Variants in PDZK1 observed in about 807,000 individuals in gnomAD.
PDZK1 encodes the protein PDZ domain containing 1, also known as Na(+)/H(+) exchange regulatory cofactor NHE-RF3.
Under a neutral mutation model 38.1 loss-of-function variants are expected in PDZK1, and 23 were observed. The observed-to-expected ratio is 0.60, with a 90% CI of 0.43 to 0.85. The LOEUF (loss-of-function observed/expected upper bound fraction) is 0.85. PDZK1 is among the 40% of genes least tolerant of loss of function. The pLI, the probability that PDZK1 is intolerant of heterozygous loss-of-function variation, is 0.00. For synonymous variants in PDZK1, 98 were observed against 186.2 expected (o/e 0.53, Z 3.86); for missense variants, 297 against 504.3 (o/e 0.59, Z 3.94).
At chr1:145,687,749 T>C in intron 2 of PDZK1, 63 bp downstream of exon 2, 1 of 1,392,512 alleles carries the variant, frequency 7.2e-7, no homozygotes, top group Non-Finnish European at 1.0e-6. Flanking sequence ...AAAATTATAA[T>C]CAGCAGAGAA....
intron 1 of PDZK1, among the ~76,000 whole-genome samples, chr1:145,706,402 TG>T (rs1656250625): frequency 6.6e-6 from 1 of 152,204 alleles, no homozygotes; most frequent in South Asian, 2.1e-4. Context: ...TTCAGATGAC[TG>T]GACAATCATG....
intron 1 of PDZK1, among the ~76,000 whole-genome samples, chr1:145,705,735 C>T (rs1553705626): frequency 1.3e-5 from 2 of 152,052 alleles, no homozygotes; most frequent in African/African-American, 4.8e-5. Context: ...CATCTTACAT[C>T]GTGTTTTTAA....
At chr1:145,683,117 G>A (rs1221525770) in intron 3 of PDZK1, among the ~76,000 whole-genome samples, 4 of 152,160 alleles carry the variant, frequency 2.6e-5, no homozygotes, top group Non-Finnish European at 2.9e-5. Flanking sequence ...AGAAAAACTC[G>A]AAATCCAATG....
At chr1:145,700,435 A>G (rs1190238851) in intron 1 of PDZK1, among the ~76,000 whole-genome samples, 1 of 152,212 alleles carries the variant, frequency 6.6e-6, no homozygotes, top group Non-Finnish European at 1.5e-5. Context: ...TAGGGACCCA[A>G]GGAACAGACA....
chr1:145,686,161 G>C (rs587649844), intron 3 of PDZK1, among the ~76,000 whole-genome samples: 1 of 152,064 alleles, frequency 6.6e-6, no homozygotes, highest in Non-Finnish European at 1.5e-5. Context: ...AAGAGGGCTA[G>C]AAGCATCAAC....
intron 1 of PDZK1, among the ~76,000 whole-genome samples, chr1:145,704,248 G>A (rs1192536008): frequency 6.6e-6 from 1 of 152,144 alleles, no homozygotes; most frequent in Non-Finnish European, 1.5e-5. Context: ...TTAGTTTCAT[G>A]TCCCCATTGG....
intron 1 of PDZK1, among the ~76,000 whole-genome samples, chr1:145,696,126 C>T (rs1001650724): frequency 1.3e-5 from 2 of 152,166 alleles, no homozygotes; most frequent in Non-Finnish European, 2.9e-5. Context: ...GTGGCAAATG[C>T]ACAGTTAAGT....
intron 1 of PDZK1, 106 bp from the exon 2 acceptor site, chr1:145,688,129 C>T: frequency 3.1e-6 from 3 of 967,396 alleles, no homozygotes; most frequent in Non-Finnish European, 4.9e-6. Context: ...ATCACCAAAT[C>T]TAGACTGCTT....
At chr1:145,686,419 G>C in intron 3 of PDZK1, 58 bp downstream of exon 3, 1 of 1,522,632 alleles carries the variant, frequency 6.6e-7, no homozygotes. Context: ...TCTTTGTTCT[G>C]GAAGCCTGTT....
intron 6 of PDZK1, among the ~76,000 whole-genome samples, chr1:145,675,873 C>T (rs1306913982): frequency 1.3e-5 from 2 of 151,804 alleles, no homozygotes; most frequent in Non-Finnish European, 2.9e-5. Flanking sequence ...TAAAAATTAG[C>T]CAGGTGTGGT....
intron 8 of PDZK1, among the ~76,000 whole-genome samples, chr1:145,672,317 T>C (rs1653154020): frequency 6.6e-6 from 1 of 151,462 alleles, no homozygotes. Flanking sequence ...TTAGTTAACA[T>C]GATCCTGATA....
intron 1 of PDZK1, among the ~76,000 whole-genome samples, chr1:145,693,070 G>C (rs1400898682): frequency 6.6e-6 from 1 of 152,050 alleles, no homozygotes; most frequent in Non-Finnish European, 1.5e-5. Flanking sequence ...CATGGGCCAG[G>C]GGTAAGTAAA....
At chr1:145,676,131 C>G in intron 6 of PDZK1, 1 of 947,066 alleles carries the variant, frequency 1.1e-6, no homozygotes, top group Non-Finnish European at 1.3e-6. Flanking sequence ...CAAAGATCTA[C>G]CCTCCACCCC....
At chr1:145,695,862 T>G (rs1553704024) in intron 1 of PDZK1, among the ~76,000 whole-genome samples, 2 of 152,226 alleles carry the variant, frequency 1.3e-5, no homozygotes, top group African/African-American at 4.8e-5. Context: ...GACATTGTAG[T>G]AAGTCTTCAG....
intron 8 of PDZK1, chr1:145,671,771 T>A: frequency 2.8e-6 from 1 of 352,888 alleles, no homozygotes; most frequent in Non-Finnish European, 5.4e-6. Context: ...ACTTGCTGTT[T>A]GACACATTAA....
intron 4 of PDZK1, among the ~76,000 whole-genome samples, chr1:145,681,981 C>A (rs1654301972): frequency 1.1e-5 from 1 of 90,070 alleles, no homozygotes; most frequent in South Asian, 4.5e-4. Flanking sequence ...ACCAGCCTGG[C>A]CAACATAGTG....
At chr1:145,695,619 G>A (rs1315425151) in intron 1 of PDZK1, among the ~76,000 whole-genome samples, 1 of 152,148 alleles carries the variant, frequency 6.6e-6, no homozygotes, top group Non-Finnish European at 1.5e-5. Flanking sequence ...CCTTAGCTTG[G>A]TGGAAAGGGG....
chr1:145,697,283 C>T (rs1431821251), intron 1 of PDZK1, among the ~76,000 whole-genome samples: 5 of 151,724 alleles, frequency 3.3e-5, no homozygotes, highest in African/African-American at 1.2e-4. Context: ...GCCGAGATCA[C>T]ACCACTGCAC....
chr1:145,699,900 G>A (rs2101932416), intron 1 of PDZK1, among the ~76,000 whole-genome samples: 1 of 152,254 alleles, frequency 6.6e-6, no homozygotes, highest in Admixed American at 6.5e-5. Flanking sequence ...CCTAGAATAG[G>A]AAGCACATGT....
Sources: allele counts gnomAD v4.1 joint callset (sites outside exome capture counted in the v4.1 genomes callset), GRCh38; gene constraint gnomAD v4.1.1; transcripts MANE v1.5; gene names NCBI Gene and HGNC (gene_info 2026-07-23, HGNC 2026-07-21).